The following COL19A1 variants were observed in gnomAD, a reference collection of about 807,000 sequenced individuals.
COL19A1 encodes the protein collagen type XIX alpha 1 chain.
A neutral mutation model predicts 190.2 loss-of-function variants in COL19A1; 159 were observed. The ratio of observed to expected loss-of-function variants is 0.84; its 90% confidence interval spans 0.73 to 0.95. The LOEUF (loss-of-function observed/expected upper bound fraction) is 0.95. Among genes scored for constraint, COL19A1 ranks in the 40% least tolerant of loss-of-function variants. The pLI, the probability that COL19A1 is intolerant of heterozygous loss-of-function variation, is 0.00. For missense variants in COL19A1, 1,418 were observed against 1,431.9 expected, an observed-to-expected ratio of 0.99 and a Z score of 0.16; for synonymous variants, 509 against 458.9, an observed-to-expected ratio of 1.11 and a Z score of -1.39.
intron 15 of COL19A1, among the ~76,000 whole-genome samples, chr6:70,069,547 G>A (rs1444564743): frequency 6.6e-6 from 1 of 152,134 alleles, no homozygotes; most frequent in Non-Finnish European, 1.5e-5. Context: ...AATGAGACTG[G>A]ATACATGTGG....
intron 2 of COL19A1, among the ~76,000 whole-genome samples, chr6:69,896,486 G>A (rs1450458986): frequency 7.0e-6 from 1 of 142,112 alleles, no homozygotes; most frequent in Non-Finnish European, 1.5e-5. Context: ...GCAGTGAGCC[G>A]AGATTGCGCC....
intron 11 of COL19A1, among the ~76,000 whole-genome samples, chr6:69,980,388 A>G (rs989715811): frequency 6.6e-6 from 1 of 152,142 alleles, no homozygotes; most frequent in Non-Finnish European, 1.5e-5. Context: ...ACTATTTTAT[A>G]CCCTATATAA....
intron 47 of COL19A1, among the ~76,000 whole-genome samples, chr6:70,188,559 G>T (rs536528799): frequency 5.3e-5 from 8 of 152,276 alleles, no homozygotes; most frequent in African/African-American, 1.7e-4. Flanking sequence ...CCCAGGTCTG[G>T]ATGGCTTCAA....
chr6:70,077,736 C>T (rs372097932), intron 15 of COL19A1, among the ~76,000 whole-genome samples: 15 of 152,198 alleles, frequency 9.9e-5, no homozygotes, highest in Non-Finnish European at 7.4e-5. Flanking sequence ...TCTATGCAAC[C>T]GTGAGAAAGA....
At chr6:69,870,743 GA>G (rs1767775552) in intron 1 of COL19A1, among the ~76,000 whole-genome samples, 2 of 152,136 alleles carry the variant, frequency 1.3e-5, no homozygotes, top group Non-Finnish European at 2.9e-5. Context: ...TAGGGAGGTG[GA>G]AATAAAGGGA....
intron 15 of COL19A1, among the ~76,000 whole-genome samples, chr6:70,079,886 A>C (rs1280340205): frequency 6.6e-6 from 1 of 152,112 alleles, no homozygotes; most frequent in African/African-American, 2.4e-5. Context: ...TATATATGTG[A>C]ATACTCAACT....
chr6:69,997,026 TAGAG>T (rs1554186399), intron 11 of COL19A1, among the ~76,000 whole-genome samples: 6 of 146,972 alleles, frequency 4.1e-5, no homozygotes, highest in Admixed American at 1.3e-4. Context: ...TATATATATA[TAGAG>T]AGAGAGAGAG....
chr6:70,114,251 C>T (rs1338439543), intron 16 of COL19A1, among the ~76,000 whole-genome samples: 1 of 152,076 alleles, frequency 6.6e-6, no homozygotes, highest in Non-Finnish European at 1.5e-5. Flanking sequence ...CACACGATGC[C>T]CTGCTCGATT....
At position 70,165,935 on chromosome 6, in the gene COL19A1, T is replaced by C. The variant is rs1045566762; in HGVS notation, c.2401-6T>C. The C allele has an allele frequency of 1.9e-6, 3 of 1,613,756 alleles. No homozygotes were observed. In the African/African-American group the frequency reaches 4.0e-5, roughly 22 times the overall value. On this transcript the variant is annotated splice_region_variant and splice_polypyrimidine_tract_variant and intron_variant, in intron 36 of 50. Coordinates refer to ENST00000620364, the MANE Select transcript of COL19A1 (RefSeq NM_001858.6). ...CGCCGCTGATATGTCTATATATCCC[T>C]TGCAGGGCAGCGACGGACCCCCTGG...
intron 14 of COL19A1, among the ~76,000 whole-genome samples, chr6:70,045,243 G>A (rs764667788): frequency 4.0e-5 from 6 of 150,526 alleles, no homozygotes; most frequent in African/African-American, 1.5e-4. Flanking sequence ...AAACTGGGAG[G>A]TGGAGGTTGT....
At chr6:70,144,401 C>A (rs573198748) in intron 24 of COL19A1, 138 bp downstream of exon 24, 2 of 685,678 alleles carry the variant, frequency 2.9e-6, no homozygotes, top group Non-Finnish European at 4.8e-6. Context: ...GTAAATGGCA[C>A]CCCCTAGAGT....
intron 9 of COL19A1, among the ~76,000 whole-genome samples, chr6:69,955,736 T>A (rs1281319848): frequency 2.6e-5 from 4 of 151,930 alleles, no homozygotes; most frequent in Non-Finnish European, 5.9e-5. Flanking sequence ...AAACTATCAT[T>A]TGAAAAATGA....
chr6:70,098,417 GC>G (rs570409139), intron 15 of COL19A1: 50 of 514,502 alleles, frequency 9.7e-5, no homozygotes, highest in African/African-American at 6.2e-4. Flanking sequence ...TACAACAGCT[GC>G]CCTCTTGGGT....
Position 70,104,226 on chromosome 6 carries a change from A to G in COL19A1, c.1278+2004A>G, listed in dbSNP as rs1391645639. Among the ~76,000 whole-genome samples, 4 of 152,324 alleles carry G rather than the reference A, an allele frequency of 2.6e-5. No individual in the cohort carries two copies. The East Asian group carries it at 7.7e-4, about 29-fold the overall frequency. On this transcript the variant is annotated intron_variant, in intron 16 of 50. Coordinates refer to ENST00000620364, the MANE Select transcript of COL19A1 (RefSeq NM_001858.6). ...TGCATTAGTCCATTCTCATACTGCT[A>G]TGAAGAACTACCTGAGACTGGGTAA...
At position 69,999,374 on chromosome 6, in the gene COL19A1, A is replaced by T. The variant is rs185290171; in HGVS notation, c.1027-24253A>T. ...GGTGAGACCCTGTCTCTACAAAAAA[A>T]TTTTTTTTAAATAGCTAGATGTCAT... On this transcript the variant is annotated intron_variant, in intron 11 of 50. Coordinates refer to ENST00000620364, the MANE Select transcript of COL19A1 (RefSeq NM_001858.6). 2.0e-3 allele frequency among the ~76,000 whole-genome samples: 298 copies of T among 152,010 alleles called. 5 individuals are homozygous for T. The East Asian group carries it at 0.04, about 20-fold the overall frequency.
chr6:70,102,815 C>T (rs151173501), intron 16 of COL19A1, among the ~76,000 whole-genome samples: 4 of 152,302 alleles, frequency 2.6e-5, no homozygotes, highest in South Asian at 4.2e-4. Context: ...ACTGACACTG[C>T]ACTCTCTGTG....
intron 11 of COL19A1, among the ~76,000 whole-genome samples, chr6:69,972,502 T>C (rs773447281): frequency 5.3e-5 from 8 of 152,200 alleles, no homozygotes; most frequent in African/African-American, 1.9e-4. Context: ...ATAGAGAAAG[T>C]TAAGTAGTGT....
intron 14 of COL19A1, among the ~76,000 whole-genome samples, chr6:70,058,648 T>C (rs1371168625): frequency 6.6e-6 from 1 of 151,306 alleles, no homozygotes; most frequent in Non-Finnish European, 1.5e-5. Flanking sequence ...CTTAGGAAAA[T>C]TTTTTTCTTA....
At chr6:69,994,440 G>T (rs2150077095) in intron 11 of COL19A1, among the ~76,000 whole-genome samples, 1 of 152,224 alleles carries the variant, frequency 6.6e-6, no homozygotes, top group East Asian at 1.9e-4. Context: ...CCTAGTGGAG[G>T]TTTGCCTATG....
Sources: gnomAD v4.1 joint callset for allele counts (sites outside exome capture counted in the v4.1 genomes callset) on GRCh38, gnomAD v4.1.1 for gene constraint, MANE v1.5 for transcripts, NCBI Gene and HGNC (gene_info 2026-07-23, HGNC 2026-07-21) for gene names.